TRAP1: variants seen among roughly 807,000 people sequenced by gnomAD.
TRAP1 encodes the protein TNF receptor associated protein 1, also known as heat shock protein 75 kDa, mitochondrial.
A neutral mutation model predicts 89.1 loss-of-function variants in TRAP1; 102 were observed. The observed-to-expected ratio is 1.15, with a 90% CI of 0.98 to 1.35. The LOEUF (loss-of-function observed/expected upper bound fraction) is 1.35, where lower values mean the gene tolerates loss of function less well. Among genes scored for constraint, TRAP1 ranks in the 40% most tolerant of loss-of-function variants. The probability of loss-of-function intolerance (pLI) is 0.00; values close to 1 mark genes in which losing one functional copy is unlikely to be tolerated. For missense variants in TRAP1, 1,256 were observed against 945.3 expected, an observed-to-expected ratio of 1.33 and a Z score of -4.31; for synonymous variants, 508 against 388.0, an observed-to-expected ratio of 1.31 and a Z score of -3.64.
chr16:3,688,032 C>CCCT (rs1358953489), intron 3 of TRAP1, among the ~76,000 whole-genome samples: 71 of 152,238 alleles, frequency 4.7e-4, no homozygotes, highest in African/African-American at 1.7e-3. Flanking sequence ...TCCTAGAAGG[C>CCCT]CCTCTGAGCT....
intron 3 of TRAP1, among the ~76,000 whole-genome samples, chr16:3,687,758 G>C (rs2051155968): frequency 6.6e-6 from 1 of 151,400 alleles, no homozygotes; most frequent in African/African-American, 2.4e-5. Flanking sequence ...TGAGGAGGAA[G>C]GATGGCTTGA....
chr16:3,662,653 T>C (rs894537174), intron 15 of TRAP1: 2 of 682,578 alleles, frequency 2.9e-6, no homozygotes, highest in Middle Eastern at 2.3e-4. Flanking sequence ...CAGTTCTCAG[T>C]TCACACCTGC....
chr16:3,690,187 T>C (rs1056895079), intron 2 of TRAP1, among the ~76,000 whole-genome samples: 4 of 152,078 alleles, frequency 2.6e-5, no homozygotes, highest in African/African-American at 9.7e-5. Context: ...TTTAATTTTT[T>C]TCTGTAGAGA....
chr16:3,704,581 C>G (rs1318511205), intron 1 of TRAP1, among the ~76,000 whole-genome samples: 1 of 152,164 alleles, frequency 6.6e-6, no homozygotes, highest in Non-Finnish European at 1.5e-5. Context: ...CATGGCTGCT[C>G]ACACCTGTAA....
chr16:3,663,716 T>G (rs1303032572), intron 13 of TRAP1, 154 bp from the exon 14 acceptor site: 6 of 861,218 alleles, frequency 7.0e-6, no homozygotes, highest in South Asian at 5.2e-5. Flanking sequence ...TGACAGTTAC[T>G]ACGACACCTG....
intron 1 of TRAP1, among the ~76,000 whole-genome samples, chr16:3,691,434 T>C (rs1025000945): frequency 5.3e-5 from 8 of 152,194 alleles, no homozygotes; most frequent in African/African-American, 1.7e-4. Context: ...TTGCCAAGAC[T>C]GGTCTCGAAC....
rs562915748 is a variant in TRAP1, at chr16:3,671,707, C to T, written c.1235+15G>A. 1.5e-4 allele frequency: 242 copies of T among 1,611,384 alleles called. 1 individual carries two copies. In the South Asian group the frequency reaches 2.4e-3, roughly 16 times the overall value. On this transcript the variant is annotated intron_variant, in intron 11 of 17. Transcript: ENST00000246957. ...TGTCCCCAGCAGGGTCCTCTCCCCG[C>T]GGCCCGAGGCTCACCTGATGAGTGC... is the stretch of plus-strand genomic sequence containing the variant.
chr16:3,689,785 A>C (rs1487807970), intron 2 of TRAP1: 1 of 152,362 alleles, frequency 6.6e-6, no homozygotes, highest in Non-Finnish European at 1.5e-5. Flanking sequence ...GGCTTCAGTG[A>C]GCCATGATTG....
chr16:3,691,884 G>T (rs765599133), intron 1 of TRAP1, among the ~76,000 whole-genome samples: 3 of 152,148 alleles, frequency 2.0e-5, no homozygotes, highest in Non-Finnish European at 4.4e-5. Context: ...GCTCAGTCCA[G>T]TGGGCTGAGA....
Position 3,658,191 on chromosome 16 carries a change from C to G in TRAP1, c.2053G>C (p.Asp685His), listed in dbSNP as rs61756352. 3 of 1,613,922 alleles carry G rather than the reference C, an allele frequency of 1.9e-6. No individual in the cohort carries two copies. Among genetic ancestry groups the G allele is most frequent in the East Asian group, 2.2e-5 (1 of 44,868 alleles). Residue 685 changes from aspartate to histidine, a missense_variant, in exon 18 of 18, where the codon GAC becomes CAC. Asp to His is a moderately conservative substitution (Grantham distance 81, BLOSUM62 -1). Coordinates refer to ENST00000246957, the MANE Select transcript of TRAP1 (RefSeq NM_016292.3). Reference sequence around the variant, plus strand: ...AAGCGGCCCACCATGGCCCTAGGGTCGTCAACAAGTCCAGCAGCAATCATG... The same window carrying G: ...AAGCGGCCCACCATGGCCCTAGGGTGGTCAACAAGTCCAGCAGCAATCATG... ...NAMIAAGLVD[D>H]PRAMVGRLNE...
chr16:3,674,250 C>A, intron 9 of TRAP1, 89 bp downstream of exon 9: 5 of 1,524,768 alleles, frequency 3.3e-6, no homozygotes, highest in Non-Finnish European at 3.6e-6. Flanking sequence ...CCTCACACTG[C>A]CATGTTAATC....
At chr16:3,677,205 C>T (rs1048038402) in intron 6 of TRAP1, among the ~76,000 whole-genome samples, 1 of 152,100 alleles carries the variant, frequency 6.6e-6, no homozygotes, top group African/African-American at 2.4e-5. Flanking sequence ...TGCATAGTGT[C>T]CACCAGGCGA....
chr16:3,695,296 C>A lies in TRAP1; in HGVS notation c.89-4311G>T, dbSNP rs973728756. On this transcript the variant is annotated intron_variant, in intron 1 of 17. Transcript: ENST00000246957. ...CGGGAAGGGGAGAGGGCTGGCAGAG[C>A]TGAGGGAACATGACACTTCCACATA... Among the ~76,000 whole-genome samples, 27 of 152,108 alleles carry A rather than the reference C, an allele frequency of 1.8e-4. 1 individual carries two copies. The highest frequency in any genetic ancestry group is 5.3e-4 in the African/African-American group (22 of 41,432).
At chr16:3,705,935 G>A (rs369815023) in intron 1 of TRAP1, among the ~76,000 whole-genome samples, 2 of 149,302 alleles carry the variant, frequency 1.3e-5, no homozygotes, top group African/African-American at 2.5e-5. Flanking sequence ...TCAGGTGATC[G>A]GCCCACCTCG....
chr16:3,658,427 C>T lies in TRAP1; in HGVS notation c.2014-197G>A, dbSNP rs573624964. On this transcript the variant is annotated intron_variant, in intron 17 of 17. Coordinates refer to ENST00000246957, the MANE Select transcript of TRAP1 (RefSeq NM_016292.3). ...GAGCCACCACGCCTGGCCATTTTTC[C>T]GTTTTTAAAACAGAATTTGGCTGGG... is the stretch of plus-strand genomic sequence containing the variant. The T allele has an allele frequency of 4.9e-4, 298 of 603,984 alleles. 1 individual carries two copies. The highest frequency in any genetic ancestry group is 7.2e-4 in the Non-Finnish European group (247 of 344,932). 37.4% of individuals were successfully genotyped at this position (603,984 alleles called of 1,614,324 possible).
intron 11 of TRAP1, 42 bp downstream of exon 11, chr16:3,671,680 C>T (rs375710771): frequency 1.7e-5 from 27 of 1,601,098 alleles, no homozygotes; most frequent in East Asian, 4.5e-5. Context: ...AGGTAGGGGC[C>T]TTGTCCCCAG....
intron 11 of TRAP1, among the ~76,000 whole-genome samples, chr16:3,668,661 C>G (rs1200342091): frequency 6.6e-6 from 1 of 152,162 alleles, no homozygotes; most frequent in African/African-American, 2.4e-5. Flanking sequence ...CAACCTTTGA[C>G]AACCACAAGC....
intron 9 of TRAP1, 73 bp from the exon 10 acceptor site, chr16:3,672,893 C>G (rs2050934187): frequency 6.5e-7 from 1 of 1,529,994 alleles, no homozygotes; most frequent in African/African-American, 1.4e-5. Context: ...GAGGTGGGGG[C>G]GGACACGATG....
intron 2 of TRAP1, 66 bp from the exon 3 acceptor site, chr16:3,689,203 G>T: frequency 7.9e-7 from 1 of 1,263,870 alleles, no homozygotes; most frequent in Non-Finnish European, 1.1e-6. Flanking sequence ...AATACGCTAC[G>T]TCACATTCCA....
Sources: allele counts gnomAD v4.1 joint callset (sites outside exome capture counted in the v4.1 genomes callset), GRCh38; gene constraint gnomAD v4.1.1; transcripts MANE v1.5; gene names NCBI Gene and HGNC (gene_info 2026-07-23, HGNC 2026-07-21).